Variants in KIAA1549 observed in about 807,000 individuals in gnomAD.
The protein encoded by KIAA1549 is KIAA1549, also known as UPF0606 protein KIAA1549.
KIAA1549 carries 70 observed loss-of-function variants against 156.4 expected under a neutral mutation model. The observed-to-expected ratio is 0.45, with a 90% CI of 0.37 to 0.55. KIAA1549 has a LOEUF of 0.55. KIAA1549 is among the 20% of genes least tolerant of loss of function. The pLI, the probability that KIAA1549 is intolerant of heterozygous loss-of-function variation, is 0.00. For missense variants in KIAA1549, 2,428 were observed against 2,540.9 expected (o/e 0.96, Z 0.96); for synonymous variants, 1,103 against 1,066.4 (o/e 1.03, Z -0.67).
chr7:138,936,802 G>A (rs1813024235), intron 1 of KIAA1549, among the ~76,000 whole-genome samples: 1 of 144,232 alleles, frequency 6.9e-6, no homozygotes, highest in African/African-American at 2.6e-5. Context: ...AAGAAACCCT[G>A]TAACTGCCCC....
Position 138,981,007 on chromosome 7 carries a change from G to T in KIAA1549, c.187+76C>A. On this transcript the variant is annotated intron_variant, in intron 1 of 19. Transcript: ENST00000422774. The surrounding 1 kb of genome is among the most constrained non-coding windows in gnomAD (Gnocchi z 4.5). ...GAATAAAAGAGGATGGGCGGGGAAA[G>T]CCGGGGTTTTGAAAACAGCAGCGAT... 8.5e-7 allele frequency: 1 copy of T among 1,173,356 alleles called. No individual in the cohort carries two copies. Among genetic ancestry groups the T allele is most frequent in the Non-Finnish European group, 1.1e-6 (1 of 947,520 alleles). 72.7% of individuals were successfully genotyped at this position (1,173,356 alleles called of 1,614,324 possible).
chr7:138,893,344 C>T (rs1476945406), intron 10 of KIAA1549, among the ~76,000 whole-genome samples: 2 of 151,590 alleles, frequency 1.3e-5, no homozygotes, highest in Non-Finnish European at 2.9e-5. Context: ...GAGAACTTTG[C>T]ATTCAGGTAG....
At position 138,972,671 on chromosome 7, in the gene KIAA1549, A is replaced by G. The variant is rs146295920; in HGVS notation, c.187+8412T>C. ...CCTTGGACTTCACTCCCAACCTTCC[A>G]CCAGTCCCTCCGATTCCTTCTCCCA... On this transcript the variant is annotated intron_variant, in intron 1 of 19. Coordinates refer to ENST00000422774, the MANE Select transcript of KIAA1549 (RefSeq NM_001164665.2). Among the ~76,000 whole-genome samples, 302 of 151,864 alleles carry G rather than the reference A, an allele frequency of 2.0e-3. 2 individuals carry two copies. Among genetic ancestry groups the G allele is most frequent in the African/African-American group, 6.8e-3 (282 of 41,380 alleles).
At chr7:138,926,387 C>T (rs1171950550) in intron 1 of KIAA1549, among the ~76,000 whole-genome samples, 2 of 152,006 alleles carry the variant, frequency 1.3e-5, no homozygotes, top group Non-Finnish European at 2.9e-5. Flanking sequence ...CTTAGGTTCA[C>T]GCGACTTGTG....
chr7:138,834,728 A>C lies in KIAA1549; in HGVS notation c.*3178T>G, dbSNP rs918600555. 1 of 232,646 alleles carries C rather than the reference A, an allele frequency of 4.3e-6. No homozygotes were observed. The highest frequency in any genetic ancestry group is 2.2e-5 in the African/African-American group (1 of 45,298). 14.4% of individuals were successfully genotyped at this position (232,646 alleles called of 1,614,324 possible). The stretch of plus-strand genomic sequence containing the variant: ...TTGCTCATTACCCATGTGTGAACCC[A>C]TTCACCGCAGTAGTGCAGCGTTTCA... On this transcript the variant is annotated 3_prime_UTR_variant, in exon 20 of 20. Transcript: ENST00000422774.
chr7:138,880,516 A>G (rs762660302), intron 11 of KIAA1549, among the ~76,000 whole-genome samples: 4 of 152,214 alleles, frequency 2.6e-5, no homozygotes, highest in Non-Finnish European at 5.9e-5. Flanking sequence ...GTTTCCTGAT[A>G]AGACAGAAGT....
intron 1 of KIAA1549, among the ~76,000 whole-genome samples, chr7:138,954,406 AC>A (rs1485055316): frequency 1.3e-5 from 2 of 152,240 alleles, no homozygotes; most frequent in South Asian, 2.1e-4. Flanking sequence ...TTGGGTGGGT[AC>A]TGGGGTTAGA....
rs1362399985 is a variant in KIAA1549 at position 138,894,425 on chromosome 7, C to T, written c.3949G>A (p.Val1317Ile). 1 of 1,614,046 alleles carries T rather than the reference C, an allele frequency of 6.2e-7. No individual in the cohort carries two copies. Among genetic ancestry groups the T allele is most frequent in the Non-Finnish European group, 8.5e-7 (1 of 1,179,896 alleles). Residue 1317 changes from valine to isoleucine, a missense_variant, in exon 10 of 20, where the codon GTC (valine) becomes ATC (isoleucine). Val to Ile is a conservative substitution (Grantham distance 29, BLOSUM62 3). Transcript: ENST00000422774. The stretch of plus-strand genomic sequence containing the variant: ...CGGCATAGTTTCCAGTAGAGGATGA[C>T]AACAATCACCATCACCACCAGCACT... ...IPVLVVMVIV[V>I]ILYWKLCRTD... is the part of the protein sequence containing the mutation.
intron 12 of KIAA1549, among the ~76,000 whole-genome samples, chr7:138,877,790 T>C (rs1161739211): frequency 6.6e-6 from 1 of 152,210 alleles, no homozygotes; most frequent in Non-Finnish European, 1.5e-5. Flanking sequence ...GCTTCTTTCC[T>C]TCACATTCAA....
At chr7:138,873,171 T>G (rs1334351285) in intron 12 of KIAA1549, among the ~76,000 whole-genome samples, 6 of 152,250 alleles carry the variant, frequency 3.9e-5, no homozygotes. Flanking sequence ...CATTGCTATG[T>G]AAATCTGTAT....
rs749938588 is a variant in KIAA1549 at position 138,832,191 on chromosome 7, CTTTTTTT to C, written c.*5708_*5714del. 133 of 143,750 alleles carry C rather than the reference CTTTTTTT, an allele frequency of 9.3e-4. No homozygotes were observed. Among genetic ancestry groups the C allele is most frequent in the Non-Finnish European group, 1.5e-3 (113 of 74,220 alleles). The allele number at this position is 143,750 out of a possible 1,614,324, so 8.9% of individuals were successfully genotyped here. A position where few individuals can be genotyped will look rare whatever the true frequency, so the allele number is the denominator to read the frequency against. ...TCACCTCTGTCCCTTTTACCTATTC[CTTTTTTT>C]TTTTTTTTTTTTTCCAGAGACAGGA... On this transcript the variant is annotated 3_prime_UTR_variant, in exon 20 of 20. Transcript: ENST00000422774.
At chr7:138,943,811 T>C (rs1301158683) in intron 1 of KIAA1549, among the ~76,000 whole-genome samples, 1 of 151,482 alleles carries the variant, frequency 6.6e-6, no homozygotes, top group African/African-American at 2.4e-5. Context: ...ATCGCACCAC[T>C]GCACTCCAGC....
At chr7:138,944,527 C>T (rs1157684389) in intron 1 of KIAA1549, among the ~76,000 whole-genome samples, 1 of 152,068 alleles carries the variant, frequency 6.6e-6, no homozygotes, top group Admixed American at 6.5e-5. Flanking sequence ...TCACACAACC[C>T]ACTAATTCCA....
At chr7:138,977,087 T>C (rs987023118) in intron 1 of KIAA1549, among the ~76,000 whole-genome samples, 4 of 152,140 alleles carry the variant, frequency 2.6e-5, no homozygotes, top group African/African-American at 9.7e-5. Flanking sequence ...ACCATAAGCA[T>C]AAATGCAATA....
rs376040950 is a variant in KIAA1549, at chr7:138,838,187, A to G, written c.5599-27T>C. On this transcript the variant is annotated intron_variant, in intron 19 of 19. Transcript: ENST00000422774. The stretch of plus-strand genomic sequence containing the variant: ...TGAAAAACATGGCAAACGTCACTGT[A>G]CTTCCTACGAAGAATAAGCCGAAAC... 14 of 1,447,734 alleles carry G rather than the reference A, an allele frequency of 9.7e-6. No individual in the cohort carries two copies. In the East Asian group the frequency reaches 2.7e-4, roughly 28 times the overall value. 89.7% of individuals were successfully genotyped at this position (1,447,734 alleles called of 1,614,324 possible). A position where few individuals can be genotyped will look rare whatever the true frequency, so the allele number is the denominator to read the frequency against.
chr7:138,893,302 T>G (rs183087895), intron 10 of KIAA1549, among the ~76,000 whole-genome samples: 1 of 151,476 alleles, frequency 6.6e-6, no homozygotes, highest in African/African-American at 2.4e-5. Flanking sequence ...AATTAGGAGA[T>G]AGGGAGTGGG....
intron 10 of KIAA1549, among the ~76,000 whole-genome samples, chr7:138,889,795 A>G (rs1811498428): frequency 6.6e-6 from 1 of 152,024 alleles, no homozygotes; most frequent in Admixed American, 6.5e-5. Context: ...ATTATGCACA[A>G]AACAAAAGCC....
chr7:138,867,312 T>C (rs1810774938), intron 15 of KIAA1549, among the ~76,000 whole-genome samples: 1 of 152,010 alleles, frequency 6.6e-6, no homozygotes. Flanking sequence ...CCTAGCACTG[T>C]GGGAGGCCAA....
In KIAA1549 at chr7:138,898,939, C is replaced by A; in HGVS notation, c.3847+16G>T. ...CAGCACAGCACAGCACAGACGACAA[C>A]ACCTCAGGCACTTACGCTGGGCAAT... On this transcript the variant is annotated intron_variant, in intron 9 of 19. Transcript: ENST00000422774. The A allele has an allele frequency of 6.2e-7, 1 of 1,613,312 alleles. No individual in the cohort carries two copies.
Sources: gnomAD v4.1 joint callset for allele counts (sites outside exome capture counted in the v4.1 genomes callset) on GRCh38, gnomAD v4.1.1 for gene constraint, Gnocchi (gnomAD v3.1) non-coding constraint, MANE v1.5 for transcripts, NCBI Gene and HGNC (gene_info 2026-07-23, HGNC 2026-07-21) for gene names.